EXD3: variants seen among roughly 807,000 people sequenced by gnomAD.
EXD3 encodes exonuclease 3'-5' domain containing 3, also known as exonuclease mut-7 homolog.
Under a neutral mutation model 98.0 loss-of-function variants are expected in EXD3, and 92 were observed. That is an observed-to-expected ratio of 0.94 (90% CI 0.79 to 1.12). The LOEUF (loss-of-function observed/expected upper bound fraction) is 1.12. EXD3 is among the 50% of genes most tolerant of loss of function. EXD3 has a pLI of 0.00. For missense variants in EXD3, 1,222 were observed against 1,191.6 expected (o/e 1.03, Z -0.38); for synonymous variants, 569 against 526.0 (o/e 1.08, Z -1.12).
In EXD3 at chr9:137,405,491, A is replaced by G. The variant is rs761571440; in HGVS notation, c.-47-10087T>C. On this transcript the variant is annotated intron_variant, in intron 1 of 21. Transcript: ENST00000340951. This position sits in a 1 kb window ranked among gnomAD's most constrained non-coding sequence, Gnocchi z 4.1. The stretch of plus-strand genomic sequence containing the variant: ...CGTCGCAGGCCACTCACCCGTCCCC[A>G]GCCACTCACCCGTCCCCAGCATCCA... Among the ~76,000 whole-genome samples the G allele has an allele frequency of 1.3e-5, 2 of 152,122 alleles. No individual in the cohort carries two copies. The highest frequency in any genetic ancestry group is 2.9e-5 in the Non-Finnish European group (2 of 68,024).
chr9:137,373,342 G>C (rs928981556), intron 4 of EXD3, 84 bp downstream of exon 4: 3 of 1,491,654 alleles, frequency 2.0e-6, no homozygotes, highest in African/African-American at 2.8e-5. Context: ...GGCTGCAAAG[G>C]CCTGGGCAGG....
At chr9:137,373,307 C>A (rs1172896157) in intron 4 of EXD3, 119 bp downstream of exon 4, 2 of 1,291,656 alleles carry the variant, frequency 1.5e-6, no homozygotes, top group Non-Finnish European at 2.1e-6. Context: ...CAGCATCCCC[C>A]TCCCCTTCCC....
chr9:137,361,143 C>A lies in EXD3; in HGVS notation c.657-4775G>T, dbSNP rs140759254. ...TCTTCCCTCCTGGAGAAACTTCCAG[C>A]AACATGCGAGGGAAGGGGAACCCAG... On this transcript the variant is annotated intron_variant, in intron 7 of 21. Transcript: ENST00000340951. Among the ~76,000 whole-genome samples the A allele has an allele frequency of 3.1e-4, 27 of 87,370 alleles. 10 individuals are homozygous for A. Among genetic ancestry groups the A allele is most frequent in the Middle Eastern group, 0.017 (2 of 120 alleles). The allele number at this position is 87,370 out of a possible 152,430, so 57.3% of individuals were successfully genotyped here.
At chr9:137,412,570 G>C (rs1011986049) in intron 1 of EXD3, among the ~76,000 whole-genome samples, 2 of 152,100 alleles carry the variant, frequency 1.3e-5, no homozygotes, top group Admixed American at 1.3e-4. Flanking sequence ...CATTCCACAT[G>C]GGACAGGGTG....
At chr9:137,372,078 C>T (rs904755053) in intron 5 of EXD3, among the ~76,000 whole-genome samples, 3 of 152,180 alleles carry the variant, frequency 2.0e-5, no homozygotes, top group African/African-American at 7.2e-5. Flanking sequence ...GGAGACTCAG[C>T]AAACCACTGT....
At chr9:137,416,136 C>A (rs1386588142) in intron 1 of EXD3, among the ~76,000 whole-genome samples, 1 of 152,250 alleles carries the variant, frequency 6.6e-6, no homozygotes, top group Non-Finnish European at 1.5e-5. Flanking sequence ...CCTCTGCCTG[C>A]CGCCGGCCAC....
rs1056956932 is a variant in EXD3 at position 137,324,327 on chromosome 9, G to A, written c.1999-184C>T. The stretch of plus-strand genomic sequence containing the variant: ...AGCCCTCTGCCGGGTCCTGGGTGTC[G>A]CCTCATTGTATAGATTTAATCTTGG... On this transcript the variant is annotated intron_variant, in intron 17 of 21. Coordinates refer to ENST00000340951, the MANE Select transcript of EXD3 (RefSeq NM_017820.5). This position sits in a 1 kb window ranked among gnomAD's most constrained non-coding sequence, Gnocchi z 4.1. Among the ~76,000 whole-genome samples the A allele has an allele frequency of 3.9e-5, 6 of 152,094 alleles. No homozygotes were observed. Among genetic ancestry groups the A allele is most frequent in the Non-Finnish European group, 8.8e-5 (6 of 68,024 alleles).
chr9:137,413,263 T>C (rs912751481), intron 1 of EXD3, among the ~76,000 whole-genome samples: 7 of 151,804 alleles, frequency 4.6e-5, no homozygotes, highest in South Asian at 2.1e-4. Context: ...TGCAGTGGCG[T>C]GATCTTGGCT....
chr9:137,378,949 G>A (rs1836060713), intron 3 of EXD3, among the ~76,000 whole-genome samples: 1 of 145,430 alleles, frequency 6.9e-6, no homozygotes, highest in Non-Finnish European at 1.5e-5. Flanking sequence ...GGGGTTTGTG[G>A]GTGACGGTGA....
intron 1 of EXD3, among the ~76,000 whole-genome samples, chr9:137,412,493 C>G (rs1252239909): frequency 6.6e-6 from 1 of 152,214 alleles, no homozygotes. Context: ...CCCACCGGGG[C>G]CCTTCCAGGA....
chr9:137,320,425 C>G (rs971354387), intron 19 of EXD3, among the ~76,000 whole-genome samples: 1 of 152,222 alleles, frequency 6.6e-6, no homozygotes, highest in African/African-American at 2.4e-5. Context: ...TGGCCCCCCA[C>G]GGGGGTGCAG....
Position 137,352,027 on chromosome 9 carries a change from C to T in EXD3, c.1173+39G>A, listed in dbSNP as rs753226645. The stretch of plus-strand genomic sequence containing the variant: ...CTCCTCCAGTGCCTGGCAGGGGGAT[C>T]CCACCACCGGGCGCTGCCCCAGCGG... On this transcript the variant is annotated intron_variant, in intron 12 of 21. Transcript: ENST00000340951. The T allele has an allele frequency of 8.9e-6, 14 of 1,575,048 alleles. No homozygotes were observed. In the East Asian group the frequency reaches 2.8e-4, roughly 31 times the overall value.
intron 7 of EXD3, chr9:137,365,666 G>C: frequency 5.1e-6 from 1 of 194,380 alleles, no homozygotes; most frequent in Non-Finnish European, 1.0e-5. Flanking sequence ...CACACCACAC[G>C]CACACACATG....
At chr9:137,410,792 G>A (rs541184552) in intron 1 of EXD3, among the ~76,000 whole-genome samples, 11 of 151,878 alleles carry the variant, frequency 7.2e-5, no homozygotes, top group Non-Finnish European at 1.6e-4. Flanking sequence ...TGCTGAGGGC[G>A]GGGGGCAGGG....
rs539327538 is a variant in EXD3 at position 137,415,586 on chromosome 9, A to G, written c.-48+7528T>C. ...TGTGCACCCCACCTCCCTGCAGCTC[A>G]CTGCCCACAACACATGGATGTACCA... On this transcript the variant is annotated intron_variant, in intron 1 of 21. Transcript: ENST00000340951. 1.3e-4 allele frequency among the ~76,000 whole-genome samples: 20 copies of G among 152,278 alleles called. 1 individual carries two copies. The East Asian group carries it at 3.7e-3, about 28-fold the overall frequency.
At position 137,320,316 on chromosome 9, in the gene EXD3, C is replaced by G. The variant is rs554483182; in HGVS notation, c.2184+3409G>C. On this transcript the variant is annotated intron_variant, in intron 19 of 21. Transcript: ENST00000340951. ...CCCAGGGTACCCTCCAGGCCAAATTCCCCGCCGGCTGTTTGCAGTCTTTCA... is the reference window on the plus strand; with the variant it reads ...CCCAGGGTACCCTCCAGGCCAAATTGCCCGCCGGCTGTTTGCAGTCTTTCA... Among the ~76,000 whole-genome samples the G allele has an allele frequency of 8.3e-4, 127 of 152,338 alleles. 1 individual carries two copies. Among genetic ancestry groups the G allele is most frequent in the South Asian group, 2.7e-3 (13 of 4,828 alleles).
At chr9:137,390,215 G>T (rs761852672) in intron 2 of EXD3, among the ~76,000 whole-genome samples, 9 of 150,450 alleles carry the variant, frequency 6.0e-5, no homozygotes, top group Non-Finnish European at 1.2e-4. Flanking sequence ...CGGATCATGA[G>T]GTCAGGAGAT....
intron 1 of EXD3, among the ~76,000 whole-genome samples, chr9:137,421,027 G>C (rs1838489802): frequency 1.3e-5 from 2 of 152,130 alleles, no homozygotes; most frequent in South Asian, 4.1e-4. Context: ...TGTTGCCCAG[G>C]TTGGTCTCAA....
chr9:137,317,236 T>C (rs1455498874), intron 19 of EXD3, among the ~76,000 whole-genome samples: 1 of 152,066 alleles, frequency 6.6e-6, no homozygotes, highest in Non-Finnish European at 1.5e-5. Context: ...TCCTGTTGGA[T>C]GGGCAAAATG....
Sources: allele counts gnomAD v4.1 joint callset (sites outside exome capture counted in the v4.1 genomes callset), GRCh38; gene constraint gnomAD v4.1.1; non-coding constraint Gnocchi (gnomAD v3.1); transcripts MANE v1.5; gene names NCBI Gene and HGNC (gene_info 2026-07-23, HGNC 2026-07-21).